AGPAT3: variants seen among roughly 807,000 people sequenced by gnomAD.
The protein encoded by AGPAT3 is 1-acyl-sn-glycerol-3-phosphate acyltransferase gamma.
AGPAT3 carries 5 observed loss-of-function variants against 47.3 expected under a neutral mutation model. The ratio of observed to expected loss-of-function variants is 0.11; its 90% CI spans 0.06 to 0.22. The LOEUF is 0.22. AGPAT3 is among the 10% of genes least tolerant of loss of function. The pLI is 1.00. For synonymous variants in AGPAT3, 212 were observed against 208.3 expected (o/e 1.02, Z -0.15); for missense variants, 315 against 493.0 (o/e 0.64, Z 3.42).
rs1000989724 is a variant in AGPAT3 at position 43,987,542 on chromosome 21, C to T, written c.*5150C>T. Among the ~76,000 whole-genome samples the T allele has an allele frequency of 4.6e-5, 7 of 152,212 alleles. No homozygotes were observed. Among genetic ancestry groups the T allele is most frequent in the Non-Finnish European group, 4.4e-5 (3 of 68,034 alleles). ...ATCTGTGGAGAAAACCAAGGAACCC[C>T]TTTCTCTTCTTTATTAAAAAGCAAA... is the stretch of plus-strand genomic sequence containing the variant. On this transcript the variant is annotated 3_prime_UTR_variant, in exon 10 of 10. Transcript: ENST00000291572.
At chr21:43,937,758 A>C (rs972776146) in intron 2 of AGPAT3, among the ~76,000 whole-genome samples, 1 of 152,118 alleles carries the variant, frequency 6.6e-6, no homozygotes, top group Non-Finnish European at 1.5e-5. Flanking sequence ...ACCTTTTGTC[A>C]GGGGCTGAAA....
chr21:43,875,378 T>G (rs552862884), intron 1 of AGPAT3, among the ~76,000 whole-genome samples: 1 of 152,202 alleles, frequency 6.6e-6, no homozygotes, highest in Non-Finnish European at 1.5e-5. Flanking sequence ...CACCCAAATA[T>G]CTTTGATCCA....
chr21:43,866,955 A>T lies in AGPAT3; in HGVS notation c.-112+1610A>T, dbSNP rs1225523494. Among the ~76,000 whole-genome samples the T allele has an allele frequency of 3.9e-5, 6 of 152,322 alleles. No homozygotes were observed. In the East Asian group the frequency reaches 1.2e-3, roughly 29 times the overall value. On this transcript the variant is annotated intron_variant, in intron 1 of 9. Coordinates refer to ENST00000291572, the MANE Select transcript of AGPAT3 (RefSeq NM_020132.5). ...TGGATTCTAGAACAGGCCTTCCTGG[A>T]GGGAGGGTGCTGCCCCGCCCCAGGC...
intron 7 of AGPAT3, 126 bp downstream of exon 7, chr21:43,971,616 C>T (rs548046589): frequency 4.4e-5 from 36 of 822,278 alleles, no homozygotes; most frequent in South Asian, 2.4e-4. Flanking sequence ...GGAACTCACA[C>T]GGAAGGCCTG....
intron 2 of AGPAT3, among the ~76,000 whole-genome samples, chr21:43,944,393 C>T (rs905272249): frequency 1.3e-5 from 2 of 152,244 alleles, no homozygotes; most frequent in Non-Finnish European, 1.5e-5. Flanking sequence ...AAGGTAACAG[C>T]GTGGCCTGTA....
rs927284295 is a variant in AGPAT3 at position 43,908,486 on chromosome 21, C to T, written c.-49+4467C>T. Reference sequence around the variant, plus strand: ...TCCGTGATTCATAACAAGGCATTTGCTTTCCTGGGCCTTGGTGACCTGTCT... The same window carrying T: ...TCCGTGATTCATAACAAGGCATTTGTTTTCCTGGGCCTTGGTGACCTGTCT... On this transcript the variant is annotated intron_variant, in intron 2 of 9. Coordinates refer to ENST00000291572, the MANE Select transcript of AGPAT3 (RefSeq NM_020132.5). The surrounding 1 kb of genome is among the most constrained non-coding windows in gnomAD (Gnocchi z 4.9). Among the ~76,000 whole-genome samples the T allele has an allele frequency of 9.8e-5, 15 of 152,294 alleles. No homozygotes were observed. Among genetic ancestry groups the T allele is most frequent in the African/African-American group, 3.6e-4 (15 of 41,572 alleles).
At chr21:43,948,458 G>C (rs931538868) in intron 2 of AGPAT3, 1 of 152,226 alleles carries the variant, frequency 6.6e-6, no homozygotes, top group Non-Finnish European at 1.5e-5. Context: ...GCTCAAAGAG[G>C]GGATGGGATT....
At chr21:43,961,524 C>T (rs61639188) in intron 3 of AGPAT3, among the ~76,000 whole-genome samples, 52,273 of 127,978 alleles carry the variant, frequency 0.41, 12,153 homozygotes, top group Admixed American at 0.45. Flanking sequence ...TCGTGGGAAA[C>T]GGTGAGCGCG....
At chr21:43,950,687 T>A (rs2146485987) in intron 2 of AGPAT3, 1 of 152,386 alleles carries the variant, frequency 6.6e-6, no homozygotes, top group Non-Finnish European at 1.5e-5. Flanking sequence ...GGGCCTCAAG[T>A]CCTGGGCTCG....
At chr21:43,929,637 A>G (rs912382139) in intron 2 of AGPAT3, among the ~76,000 whole-genome samples, 12 of 152,244 alleles carry the variant, frequency 7.9e-5, no homozygotes, top group African/African-American at 2.9e-4. Flanking sequence ...ACGGCCTGCC[A>G]GAGCCAGTGT....
At chr21:43,951,789 G>A (rs1363664979) in intron 2 of AGPAT3, among the ~76,000 whole-genome samples, 1 of 152,198 alleles carries the variant, frequency 6.6e-6, no homozygotes, top group African/African-American at 2.4e-5. Flanking sequence ...GAAAACCAGG[G>A]ACTCCTCTGT....
rs1349247619 is a variant in AGPAT3, at chr21:43,985,280, C to A, written c.*2888C>A. The A allele has an allele frequency of 2.2e-6, 1 of 453,890 alleles. No homozygotes were observed. Among genetic ancestry groups the A allele is most frequent in the Admixed American group, 2.4e-5 (1 of 42,400 alleles). 28.1% of individuals were successfully genotyped at this position (453,890 alleles called of 1,614,324 possible). A position where few individuals can be genotyped will look rare whatever the true frequency, so the allele number is the denominator to read the frequency against. ...CGGCGACAGTGTACCAGACGCGCAC[C>A]CTATGTGAGGTGCTTTAAGGTCCCT... On this transcript the variant is annotated 3_prime_UTR_variant, in exon 10 of 10. Transcript: ENST00000291572.
intron 1 of AGPAT3, among the ~76,000 whole-genome samples, chr21:43,879,730 T>C (rs1156620867): frequency 7.2e-5 from 11 of 152,202 alleles, no homozygotes; most frequent in Non-Finnish European, 5.9e-5. Context: ...ATGTTGTGTG[T>C]GGCTGTCTGC....
chr21:43,929,435 C>A (rs142149381), intron 2 of AGPAT3, among the ~76,000 whole-genome samples: 1 of 152,202 alleles, frequency 6.6e-6, no homozygotes, highest in Non-Finnish European at 1.5e-5. Flanking sequence ...GACCCCAGAG[C>A]GAGTCAAAGC....
chr21:43,900,410 A>G (rs1481864987), intron 1 of AGPAT3, among the ~76,000 whole-genome samples: 3 of 152,210 alleles, frequency 2.0e-5, no homozygotes, highest in Non-Finnish European at 2.9e-5. Flanking sequence ...CCGTGTGGAC[A>G]GTGACCAGAG....
rs1020320171 is a variant in AGPAT3, at chr21:43,984,898, G to A, written c.*2506G>A. The A allele has an allele frequency of 2.9e-6, 1 of 350,022 alleles. No individual in the cohort carries two copies. Among genetic ancestry groups the A allele is most frequent in the African/African-American group, 2.1e-5 (1 of 46,576 alleles). The allele number at this position is 350,022 out of a possible 1,614,324, so 21.7% of individuals were successfully genotyped here. A position where few individuals can be genotyped will look rare whatever the true frequency, so the allele number is the denominator to read the frequency against. On this transcript the variant is annotated 3_prime_UTR_variant, in exon 10 of 10. Transcript: ENST00000291572. ...GGCTGAAGCAACTCTGTAGCCCACA[G>A]TCCGTGCTGGCCACTGTCGGGGTGA...
chr21:43,946,890 C>T (rs1368003897), intron 2 of AGPAT3: 1 of 152,288 alleles, frequency 6.6e-6, no homozygotes, highest in Non-Finnish European at 1.5e-5. Flanking sequence ...ATGGGAAGCG[C>T]CTGCTGTGTC....
rs1455629129 is a variant in AGPAT3, at chr21:43,934,784, C to T, written c.-48-24850C>T. The stretch of plus-strand genomic sequence containing the variant: ...CTGCCATATCACATCACGCCACCCA[C>T]GCCACTCACACGCCACCCATGCCAC... On this transcript the variant is annotated intron_variant, in intron 2 of 9. Coordinates refer to ENST00000291572, the MANE Select transcript of AGPAT3 (RefSeq NM_020132.5). The surrounding 1 kb of genome is among the most constrained non-coding windows in gnomAD (Gnocchi z 4.7). Among the ~76,000 whole-genome samples the T allele has an allele frequency of 6.6e-6, 1 of 152,044 alleles. No individual in the cohort carries two copies. The highest frequency in any genetic ancestry group is 2.4e-5 in the African/African-American group (1 of 41,380).
intron 7 of AGPAT3, among the ~76,000 whole-genome samples, chr21:43,974,139 G>A (rs891418840): frequency 2.6e-5 from 4 of 151,810 alleles, no homozygotes; most frequent in African/African-American, 9.7e-5. Flanking sequence ...TGCATGTGTG[G>A]TGTACGTATG....
Sources: gnomAD v4.1 joint callset for allele counts (sites outside exome capture counted in the v4.1 genomes callset) on GRCh38, gnomAD v4.1.1 for gene constraint, Gnocchi (gnomAD v3.1) non-coding constraint, MANE v1.5 for transcripts, NCBI Gene and HGNC (gene_info 2026-07-23, HGNC 2026-07-21) for gene names.